CENPC: variants seen among roughly 807,000 people sequenced by gnomAD.
CENPC encodes CENP-C 1.
A neutral mutation model predicts 112.1 loss-of-function variants in CENPC; 63 were observed. The ratio of observed to expected loss-of-function variants is 0.56; its 90% CI spans 0.46 to 0.69. The LOEUF is 0.69. CENPC is among the 30% of genes least tolerant of loss of function. CENPC has a pLI of 0.00. For missense variants in CENPC, 1,000 were observed against 1,103.8 expected, an observed-to-expected ratio of 0.91 and a Z score of 1.33; for synonymous variants, 333 against 367.6, an observed-to-expected ratio of 0.91 and a Z score of 1.08.
intron 7 of CENPC, among the ~76,000 whole-genome samples, chr4:67,516,776 T>C (rs1168528385): frequency 2.0e-5 from 3 of 151,948 alleles, no homozygotes; most frequent in Admixed American, 6.5e-5. Flanking sequence ...CTACAAAAAC[T>C]ATGAAACGCT....
intron 5 of CENPC, among the ~76,000 whole-genome samples, chr4:67,522,857 GGGC>G (rs1726266993): frequency 6.6e-6 from 1 of 152,054 alleles, no homozygotes; most frequent in African/African-American, 2.4e-5. Context: ...AAAATTATGT[GGGC>G]GCAGTGGTGT....
chr4:67,494,563 G>A (rs1348378310), intron 13 of CENPC, among the ~76,000 whole-genome samples: 3 of 136,614 alleles, frequency 2.2e-5, no homozygotes, highest in Non-Finnish European at 4.7e-5. Flanking sequence ...AAGGCAATGA[G>A]AGAAAGCTTC....
chr4:67,507,511 T>C (rs1199093377), intron 10 of CENPC, among the ~76,000 whole-genome samples: 1 of 152,044 alleles, frequency 6.6e-6, no homozygotes, highest in South Asian at 2.1e-4. Context: ...ACAAATTAAA[T>C]AACCTAGATG....
rs71219046 is a variant in CENPC at position 67,491,480 on chromosome 4, T to TAGAGAGAGAGAGAGAGAGAGAG, written c.2515+678_2515+699dup. Among the ~76,000 whole-genome samples the TAGAGAGAGAGAGAGAGAGAGAG allele has an allele frequency of 1.1e-4, 2 of 18,102 alleles. 1 individual carries two copies. Among genetic ancestry groups the TAGAGAGAGAGAGAGAGAGAGAG allele is most frequent in the Non-Finnish European group, 2.1e-4 (2 of 9,600 alleles). 11.9% of individuals were successfully genotyped at this position (18,102 alleles called of 152,430 possible). On this transcript the variant is annotated intron_variant, in intron 16 of 18. Transcript: ENST00000273853. ...ATATATATATATATATATATATATA[T>TAGAGAGAGAGAGAGAGAGAGAG]AGAGAGAGAGAGAGAGAGAGAGAGA... is the stretch of plus-strand genomic sequence containing the variant.
chr4:67,534,652 T>G (rs1726662860), intron 4 of CENPC, among the ~76,000 whole-genome samples: 1 of 152,242 alleles, frequency 6.6e-6, no homozygotes, highest in South Asian at 2.1e-4. Flanking sequence ...CGGGAAAGAT[T>G]TCTTTGTCAG....
intron 17 of CENPC, among the ~76,000 whole-genome samples, chr4:67,479,325 A>G (rs1438079191): frequency 6.6e-6 from 1 of 152,232 alleles, no homozygotes; most frequent in Non-Finnish European, 1.5e-5. Flanking sequence ...GAGAGGCCAC[A>G]AATCAAGTCT....
intron 8 of CENPC, among the ~76,000 whole-genome samples, chr4:67,512,936 G>C (rs1354584989): frequency 6.6e-6 from 1 of 152,112 alleles, no homozygotes; most frequent in African/African-American, 2.4e-5. Flanking sequence ...AACTTAAGAA[G>C]AGGAGATTTA....
At position 67,497,807 on chromosome 4, in the gene CENPC, AAAG is replaced by A. The variant is rs1274322129; in HGVS notation, c.2132-2598_2132-2596del. ...CCTCCCAAAGTGTTGGGTGGCTCCC[AAAG>A]TGAGCCACCATACCCAGCCAAAAGT... On this transcript the variant is annotated intron_variant, in intron 12 of 18. Coordinates refer to ENST00000273853, the MANE Select transcript of CENPC (RefSeq NM_001812.4). Among the ~76,000 whole-genome samples, 48 of 21,430 alleles carry A rather than the reference AAAG, an allele frequency of 2.2e-3. No homozygotes were observed. In the East Asian group the frequency reaches 0.12, roughly 53 times the overall value. The allele number at this position is 21,430 out of a possible 152,430, so 14.1% of individuals were successfully genotyped here.
In CENPC at chr4:67,518,387, G is replaced by C; in HGVS notation, c.618-19C>G. ...GTTTAACCTAAAAGGTTAAAAGGAGGGTAAGCTGAATGCTCCCGTAACGTT... is the reference window on the plus strand; with the variant it reads ...GTTTAACCTAAAAGGTTAAAAGGAGCGTAAGCTGAATGCTCCCGTAACGTT... On this transcript the variant is annotated intron_variant, in intron 6 of 18. Coordinates refer to ENST00000273853, the MANE Select transcript of CENPC (RefSeq NM_001812.4). 3.3e-6 allele frequency: 5 copies of C among 1,503,650 alleles called. No individual in the cohort carries two copies. The highest frequency in any genetic ancestry group is 4.4e-6 in the Non-Finnish European group (5 of 1,131,486). 93.1% of individuals were successfully genotyped at this position (1,503,650 alleles called of 1,614,324 possible).
chr4:67,496,478 A>G (rs1406669636), intron 12 of CENPC, among the ~76,000 whole-genome samples: 1 of 152,232 alleles, frequency 6.6e-6, no homozygotes. Flanking sequence ...TGCAAATACA[A>G]TTTTGTATGA....
intron 4 of CENPC, among the ~76,000 whole-genome samples, chr4:67,531,580 G>C (rs1485101177): frequency 6.6e-6 from 1 of 152,174 alleles, no homozygotes; most frequent in East Asian, 1.9e-4. Flanking sequence ...CTTTCCTTCT[G>C]GGAGTGCGTA....
intron 17 of CENPC, among the ~76,000 whole-genome samples, chr4:67,480,340 GA>G (rs371074626): frequency 2.4e-4 from 35 of 148,000 alleles, no homozygotes; most frequent in East Asian, 7.9e-4. Context: ...AAAAGAAAAA[GA>G]AAAAAAAAAT....
intron 7 of CENPC, among the ~76,000 whole-genome samples, chr4:67,515,116 A>T (rs911940644): frequency 6.6e-6 from 1 of 152,064 alleles, no homozygotes; most frequent in Non-Finnish European, 1.5e-5. Context: ...AGTCAACAAG[A>T]TTATTTCTGA....
intron 17 of CENPC, among the ~76,000 whole-genome samples, chr4:67,475,239 C>T (rs987582656): frequency 5.9e-5 from 9 of 152,124 alleles, no homozygotes; most frequent in African/African-American, 1.7e-4. Context: ...AGAGAAGAAA[C>T]GAAAGAGAAG....
At chr4:67,530,938 T>G in intron 4 of CENPC, 24 bp from the exon 5 acceptor site, 1 of 1,205,844 alleles carries the variant, frequency 8.3e-7, no homozygotes. Flanking sequence ...AAATACAACA[T>G]TAGAACTATT....
At chr4:67,476,168 G>A (rs1724799100) in intron 17 of CENPC, among the ~76,000 whole-genome samples, 4 of 152,180 alleles carry the variant, frequency 2.6e-5, no homozygotes, top group African/African-American at 9.7e-5. Context: ...GGACTAACTT[G>A]CAGCTCCCAC....
chr4:67,510,879 A>G (rs938832681), intron 9 of CENPC: 1 of 406,436 alleles, frequency 2.5e-6, no homozygotes, highest in African/African-American at 2.1e-5. Flanking sequence ...AGCTTGATCA[A>G]AAATCCAACA....
chr4:67,492,099 T>C (rs1725299567), intron 16 of CENPC, 81 bp downstream of exon 16: 9 of 930,432 alleles, frequency 9.7e-6, no homozygotes, highest in Admixed American at 8.9e-5. Context: ...AAAGGGAAAG[T>C]AGACAGGCCA....
chr4:67,533,154 G>GC (rs1726609545), intron 4 of CENPC, among the ~76,000 whole-genome samples: 1 of 152,178 alleles, frequency 6.6e-6, no homozygotes, highest in Admixed American at 6.5e-5. Flanking sequence ...TGTGGAAGGC[G>GC]CCCAGGGGGA....
Sources: gnomAD v4.1 joint callset for allele counts (sites outside exome capture counted in the v4.1 genomes callset) on GRCh38, gnomAD v4.1.1 for gene constraint, MANE v1.5 for transcripts, NCBI Gene and HGNC (gene_info 2026-07-23, HGNC 2026-07-21) for gene names.